ARHGAP15: variants seen among roughly 807,000 people sequenced by gnomAD.
The protein encoded by ARHGAP15 is Rho GTPase activating protein 15.
A neutral mutation model predicts 63.7 loss-of-function variants in ARHGAP15; 51 were observed. The observed-to-expected ratio is 0.80, with a 90% confidence interval of 0.64 to 1.01. The LOEUF (loss-of-function observed/expected upper bound fraction) is 1.01. ARHGAP15 is among the 50% of genes least tolerant of loss of function. ARHGAP15 has a pLI of 0.00. For synonymous variants in ARHGAP15, 191 were observed against 193.8 expected, an observed-to-expected ratio of 0.99 and a Z score of 0.12; for missense variants, 560 against 564.6, an observed-to-expected ratio of 0.99 and a Z score of 0.08.
At chr2:143,728,161 T>C (rs1685368340) in intron 13 of ARHGAP15, among the ~76,000 whole-genome samples, 1 of 152,188 alleles carries the variant, frequency 6.6e-6, no homozygotes, top group Non-Finnish European at 1.5e-5. Flanking sequence ...GCAGGTTTGT[T>C]TTATTCTGAG....
chr2:143,394,014 A>G (rs1687655067), intron 6 of ARHGAP15, among the ~76,000 whole-genome samples: 1 of 152,150 alleles, frequency 6.6e-6, no homozygotes, highest in Non-Finnish European at 1.5e-5. Flanking sequence ...GGAAGACAGC[A>G]AATATTAAGT....
chr2:143,669,672 A>G (rs1311839656), intron 12 of ARHGAP15, among the ~76,000 whole-genome samples: 5 of 152,206 alleles, frequency 3.3e-5, no homozygotes, highest in Admixed American at 3.3e-4. Context: ...AAAGGCACTA[A>G]TCCCATTACC....
rs142917700 is a variant in ARHGAP15, at chr2:143,572,222, A to C, written c.1003+15737A>C. Reference sequence around the variant, plus strand: ...AGATCCTCTTATTTCTGGGTGCCAAAATACTCAGCATTACACTTCTACCTC... The same window carrying C: ...AGATCCTCTTATTTCTGGGTGCCAACATACTCAGCATTACACTTCTACCTC... On this transcript the variant is annotated intron_variant, in intron 11 of 13. Transcript: ENST00000295095. The C allele has an allele frequency of 2.6e-5, 4 of 152,314 alleles. No individual in the cohort carries two copies. In the East Asian group the frequency reaches 7.7e-4, roughly 29 times the overall value. The allele number at this position is 152,314 out of a possible 1,614,324, so 9.4% of individuals were successfully genotyped here. A position where few individuals can be genotyped will look rare whatever the true frequency, so the allele number is the denominator to read the frequency against.
At chr2:143,543,011 G>T (rs1695171516) in intron 10 of ARHGAP15, among the ~76,000 whole-genome samples, 1 of 151,166 alleles carries the variant, frequency 6.6e-6, no homozygotes, top group African/African-American at 2.4e-5. Flanking sequence ...AAATAAGAAT[G>T]CAGATATCTT....
At chr2:143,381,478 GT>G (rs1687051743) in intron 6 of ARHGAP15, among the ~76,000 whole-genome samples, 3 of 152,098 alleles carry the variant, frequency 2.0e-5, no homozygotes, top group Admixed American at 1.3e-4. Context: ...ATTGGCAGTT[GT>G]TGTCAGGGTT....
At chr2:143,532,802 G>A (rs529460933) in intron 10 of ARHGAP15, among the ~76,000 whole-genome samples, 5 of 151,934 alleles carry the variant, frequency 3.3e-5, no homozygotes, top group African/African-American at 1.2e-4. Flanking sequence ...ATATACCAAA[G>A]GATCTATTTT....
chr2:143,666,821 G>C (rs1024936629), intron 12 of ARHGAP15, among the ~76,000 whole-genome samples: 1 of 149,394 alleles, frequency 6.7e-6, no homozygotes, highest in African/African-American at 2.6e-5. Flanking sequence ...ATGAAAAAAT[G>C]CTCATCATCA....
intron 6 of ARHGAP15, among the ~76,000 whole-genome samples, chr2:143,373,229 A>C (rs184353792): frequency 3.1e-4 from 47 of 152,280 alleles, no homozygotes; most frequent in Middle Eastern, 3.4e-3. Flanking sequence ...CTAGAGAGGT[A>C]ATGAAACTTG....
At chr2:143,671,578 A>G (rs752822405) in intron 12 of ARHGAP15, among the ~76,000 whole-genome samples, 4 of 152,184 alleles carry the variant, frequency 2.6e-5, no homozygotes, top group African/African-American at 7.2e-5. Flanking sequence ...TAGGTGTCCA[A>G]TTAAACAAAT....
chr2:143,670,340 C>G (rs1682454739), intron 12 of ARHGAP15, among the ~76,000 whole-genome samples: 1 of 152,062 alleles, frequency 6.6e-6, no homozygotes, highest in Non-Finnish European at 1.5e-5. Context: ...AAACATGTAT[C>G]TTATATTGGA....
chr2:143,651,918 G>C (rs1681184997), intron 12 of ARHGAP15, among the ~76,000 whole-genome samples: 1 of 151,920 alleles, frequency 6.6e-6, no homozygotes, highest in Admixed American at 6.6e-5. Context: ...TACGTTTTCT[G>C]ATTATAGAGT....
At chr2:143,698,551 TG>T (rs1291978608) in intron 12 of ARHGAP15, among the ~76,000 whole-genome samples, 4 of 152,130 alleles carry the variant, frequency 2.6e-5, no homozygotes, top group Admixed American at 6.6e-5. Context: ...TTTGAGAAGA[TG>T]GGGGCAGGTT....
chr2:143,622,908 C>G (rs758009950), intron 11 of ARHGAP15, among the ~76,000 whole-genome samples: 11 of 151,594 alleles, frequency 7.3e-5, no homozygotes, highest in Non-Finnish European at 1.3e-4. Context: ...CTCAGCTTTT[C>G]TTACATTTTG....
At chr2:143,540,842 A>G (rs558926170) in intron 10 of ARHGAP15, among the ~76,000 whole-genome samples, 1 of 152,192 alleles carries the variant, frequency 6.6e-6, no homozygotes. Context: ...GGTGAATCTG[A>G]CAATTATGTG....
In ARHGAP15 at chr2:143,725,793, A is replaced by T. The variant is rs145029256; in HGVS notation, c.1244+22269A>T. Among the ~76,000 whole-genome samples, 23 of 152,326 alleles carry T rather than the reference A, an allele frequency of 1.5e-4. No individual in the cohort carries two copies. The East Asian group carries it at 4.4e-3, about 29-fold the overall frequency. ...GATTGCCAGGGAATTTATGCAGGTA[A>T]CTCATTAATGCCGGTGGGGGTTCAG... On this transcript the variant is annotated intron_variant, in intron 13 of 13. Coordinates refer to ENST00000295095, the MANE Select transcript of ARHGAP15 (RefSeq NM_018460.4).
chr2:143,350,445 A>G (rs1181420731), intron 6 of ARHGAP15, among the ~76,000 whole-genome samples: 1 of 152,122 alleles, frequency 6.6e-6, no homozygotes, highest in African/African-American at 2.4e-5. Context: ...TTTCATATCA[A>G]AGAAAAGTTG....
At chr2:143,698,726 T>C (rs1683957302) in intron 12 of ARHGAP15, among the ~76,000 whole-genome samples, 1 of 152,036 alleles carries the variant, frequency 6.6e-6, no homozygotes, top group African/African-American at 2.4e-5. Flanking sequence ...TTTCATGGAA[T>C]AGAGGCAAAA....
chr2:143,376,149 T>C (rs1271058873), intron 6 of ARHGAP15, among the ~76,000 whole-genome samples: 1 of 152,212 alleles, frequency 6.6e-6, no homozygotes, highest in Non-Finnish European at 1.5e-5. Context: ...TATGCAACCC[T>C]TTAGTATTCT....
chr2:143,184,472 A>C (rs755691437), intron 2 of ARHGAP15, among the ~76,000 whole-genome samples: 10 of 152,134 alleles, frequency 6.6e-5, no homozygotes, highest in Non-Finnish European at 1.2e-4. Context: ...AGGGAAGTAG[A>C]TTCTTATGTG....
Sources: allele counts gnomAD v4.1 joint callset (sites outside exome capture counted in the v4.1 genomes callset), GRCh38; gene constraint gnomAD v4.1.1; transcripts MANE v1.5; gene names NCBI Gene and HGNC (gene_info 2026-07-23, HGNC 2026-07-21).